The following ANXA8 variants were observed in gnomAD, a reference collection of about 807,000 sequenced individuals.
ANXA8 encodes the protein VAC-beta.
In ANXA8, 9 loss-of-function variants were observed where a neutral mutation model predicts 26.8. The observed-to-expected ratio is 0.34, with a 90% confidence interval of 0.20 to 0.59. The LOEUF (loss-of-function observed/expected upper bound fraction) is 0.59. Among genes scored for constraint, ANXA8 ranks in the 20% least tolerant of loss-of-function variants. ANXA8 has a pLI of 0.84. For missense variants in ANXA8, 83 were observed against 238.5 expected, an observed-to-expected ratio of 0.35 and a Z score of 4.29; for synonymous variants, 39 against 94.8, an observed-to-expected ratio of 0.41 and a Z score of 3.42.
chr10:47,717,997 C>CAAA, the ANXA8 span, among the ~76,000 whole-genome samples: 4 of 55,484 alleles, frequency 7.2e-5, no homozygotes, highest in Admixed American at 2.1e-4. Flanking sequence ...TACTCTGTCT[C>CAAA]AAAAAAAAAA....
the ANXA8 span, among the ~76,000 whole-genome samples, chr10:47,659,896 A>G: frequency 6.6e-6 from 1 of 151,344 alleles, no homozygotes; most frequent in Non-Finnish European, 1.5e-5. Context: ...AGCTGGGAGT[A>G]GAGGTGTGCT....
the ANXA8 span, among the ~76,000 whole-genome samples, chr10:47,694,961 A>G: frequency 1.3e-5 from 2 of 151,776 alleles, no homozygotes; most frequent in Admixed American, 6.6e-5. Flanking sequence ...GAGGGTAGGA[A>G]GGAGCCAGGA....
the ANXA8 span, among the ~76,000 whole-genome samples, chr10:47,740,688 GT>G: frequency 7.9e-6 from 1 of 127,226 alleles, no homozygotes; most frequent in South Asian, 2.8e-4. Context: ...TGAATCAGCA[GT>G]TTATTCTTTT....
the ANXA8 span, among the ~76,000 whole-genome samples, chr10:47,625,664 A>C: frequency 7.2e-5 from 11 of 152,170 alleles, no homozygotes; most frequent in Admixed American, 7.2e-4. Flanking sequence ...AGCATCAGGT[A>C]CATGAGCCCG....
At chr10:47,528,220 C>T in the ANXA8 span, among the ~76,000 whole-genome samples, 35 of 140,988 alleles carry the variant, frequency 2.5e-4, no homozygotes, top group African/African-American at 7.8e-4. Flanking sequence ...GCTGGGACTA[C>T]AGGCACCCGT....
chr10:47,932,691 G>GCTCTCTCTCT, the ANXA8 span, among the ~76,000 whole-genome samples: 19 of 88,038 alleles, frequency 2.2e-4, 2 homozygotes, highest in Middle Eastern at 5.4e-3. Context: ...CAAAGAGCAT[G>GCTCTCTCTCT]CTCTCTCTCT....
At chr10:47,577,604 T>C in the ANXA8 span, among the ~76,000 whole-genome samples, 1 of 112,054 alleles carries the variant, frequency 8.9e-6, no homozygotes, top group East Asian at 2.2e-4. Context: ...AGACCAGAAG[T>C]TGGAGGTTAC....
the ANXA8 span, among the ~76,000 whole-genome samples, chr10:47,775,362 G>A: frequency 6.6e-6 from 1 of 150,958 alleles, no homozygotes; most frequent in African/African-American, 2.4e-5. Context: ...AACAGAGAGA[G>A]CCTCAGTCTC....
the ANXA8 span, chr10:47,553,328 C>T: frequency 6.6e-6 from 1 of 152,656 alleles, no homozygotes; most frequent in African/African-American, 2.4e-5. Context: ...CCCGGGCACA[C>T]CTCAGGCAGA....
the ANXA8 span, among the ~76,000 whole-genome samples, chr10:47,896,352 C>T: frequency 2.6e-5 from 4 of 151,200 alleles, no homozygotes; most frequent in Non-Finnish European, 5.9e-5. Context: ...CCAGGTGCAC[C>T]CAAACATTGA....
the ANXA8 span, among the ~76,000 whole-genome samples, chr10:47,572,740 AAAG>A: frequency 5.6e-5 from 8 of 143,634 alleles, no homozygotes; most frequent in East Asian, 1.0e-3. Context: ...ATTAAAAAAA[AAAG>A]AAGAACGTAT....
the ANXA8 span, among the ~76,000 whole-genome samples, chr10:47,561,396 A>G: frequency 6.6e-6 from 1 of 151,556 alleles, no homozygotes; most frequent in South Asian, 2.1e-4. Context: ...GTGAACTACC[A>G]TGTTGGGCCA....
the ANXA8 span, among the ~76,000 whole-genome samples, chr10:47,945,197 T>G: frequency 6.7e-6 from 1 of 149,934 alleles, no homozygotes; most frequent in Non-Finnish European, 1.5e-5. Flanking sequence ...CACATGGGGT[T>G]GCTGGACTGT....
At chr10:47,976,410 G>T in the ANXA8 span, among the ~76,000 whole-genome samples, 5 of 151,366 alleles carry the variant, frequency 3.3e-5, no homozygotes, top group African/African-American at 1.2e-4. Flanking sequence ...TGATAGACTT[G>T]AACATAAATG....
chr10:47,681,040 C>T, the ANXA8 span, among the ~76,000 whole-genome samples: 100 of 148,892 alleles, frequency 6.7e-4, no homozygotes, highest in Middle Eastern at 0.011. Flanking sequence ...CCAGTACTCC[C>T]TCCACTACCT....
At chr10:47,509,640 G>A in the ANXA8 span, among the ~76,000 whole-genome samples, 2,618 of 122,282 alleles carry the variant, frequency 0.021, 2 homozygotes, top group African/African-American at 0.087. Flanking sequence ...TACACTGGAC[G>A]GCCCCTGTGG....
the ANXA8 span, among the ~76,000 whole-genome samples, chr10:47,630,234 T>C: frequency 6.9e-6 from 1 of 144,794 alleles, no homozygotes; most frequent in Non-Finnish European, 1.5e-5. Flanking sequence ...ATGTTTCCAG[T>C]ATATAGGTAG....
At chr10:47,562,747 G>C in the ANXA8 span, among the ~76,000 whole-genome samples, 31 of 128,206 alleles carry the variant, frequency 2.4e-4, no homozygotes, top group African/African-American at 9.0e-4. Context: ...AAGTGGTGAA[G>C]GGAATCACTC....
At chr10:47,675,985 A>AAAAGG in the ANXA8 span, among the ~76,000 whole-genome samples, 1 of 151,640 alleles carries the variant, frequency 6.6e-6, no homozygotes, top group African/African-American at 2.4e-5. Context: ...GGAAAACAAA[A>AAAAGG]AAAGGAAAGA....
Sources: gnomAD v4.1 joint callset for allele counts (sites outside exome capture counted in the v4.1 genomes callset) on GRCh38, gnomAD v4.1.1 for gene constraint, MANE v1.5 for transcripts, NCBI Gene and HGNC (gene_info 2026-07-23, HGNC 2026-07-21) for gene names.